The following ADAM32 variants were observed in gnomAD, a reference collection of about 807,000 sequenced individuals.
The protein encoded by ADAM32 is disintegrin and metalloproteinase domain-containing protein 32.
In ADAM32, 89 loss-of-function variants were observed where a neutral mutation model predicts 114.9. The ratio of observed to expected loss-of-function variants is 0.77; its 90% CI spans 0.65 to 0.92. The LOEUF (loss-of-function observed/expected upper bound fraction) is 0.92. Ranked by LOEUF, ADAM32 falls within the 40% of genes least tolerant of loss-of-function variation. The pLI is 0.00. For synonymous variants in ADAM32, 285 were observed against 307.5 expected, an observed-to-expected ratio of 0.93 and a Z score of 0.77; for missense variants, 870 against 932.8, an observed-to-expected ratio of 0.93 and a Z score of 0.88.
chr8:39,231,826 A>G (rs983463358), intron 14 of ADAM32, among the ~76,000 whole-genome samples: 3 of 152,120 alleles, frequency 2.0e-5, no homozygotes, highest in Non-Finnish European at 2.9e-5. Flanking sequence ...TATGATGGAA[A>G]TTGATGAAAA....
intron 7 of ADAM32, among the ~76,000 whole-genome samples, chr8:39,163,128 A>G (rs1467417707): frequency 6.6e-6 from 1 of 152,250 alleles, no homozygotes; most frequent in East Asian, 1.9e-4. Flanking sequence ...ATATGGTTCT[A>G]TATATACACA....
intron 14 of ADAM32, among the ~76,000 whole-genome samples, chr8:39,225,868 C>T (rs2129449005): frequency 6.6e-6 from 1 of 151,958 alleles, no homozygotes; most frequent in East Asian, 1.9e-4. Flanking sequence ...GGTATCAATG[C>T]AATACAATAA....
At chr8:39,246,021 T>A in intron 16 of ADAM32, 62 bp from the exon 17 acceptor site, 1 of 1,257,910 alleles carries the variant, frequency 7.9e-7, no homozygotes, top group South Asian at 1.2e-5. Flanking sequence ...TTATTTACTG[T>A]AATGTTATGA....
At chr8:39,283,748 A>T (rs1813593290) in intron 24 of ADAM32, 124 bp downstream of exon 24, 6 of 599,740 alleles carry the variant, frequency 1.0e-5, no homozygotes, top group Non-Finnish European at 1.3e-5. Context: ...CTGCACCAAT[A>T]AATAACCTAT....
At chr8:39,268,619 CT>C (rs1041213388) in intron 19 of ADAM32, among the ~76,000 whole-genome samples, 3 of 152,056 alleles carry the variant, frequency 2.0e-5, no homozygotes, top group East Asian at 3.9e-4. Flanking sequence ...GTATCAATTT[CT>C]TTTTTTATAG....
In ADAM32 at chr8:39,223,244, A is replaced by G. The variant is rs753310334; in HGVS notation, c.1525+6A>G. 6.4e-7 allele frequency: 1 copy of G among 1,559,956 alleles called. No individual in the cohort carries two copies. The highest frequency in any genetic ancestry group is 1.2e-5 in the South Asian group (1 of 80,360). On this transcript the variant is annotated splice_donor_region_variant and intron_variant, in intron 14 of 24. Coordinates refer to ENST00000379907, the MANE Select transcript of ADAM32 (RefSeq NM_145004.7). ...TGAGAGTGTATTTGGAAAAGGTAAT[A>G]TCTTTTTGTTACATCTCAATAGCCC...
chr8:39,165,083 A>G lies in ADAM32; in HGVS notation c.720A>G (p.Ser240=), dbSNP rs1388674980. ...TGCTGTCATCATTGGAGTTATGGTC[A>G]GATGAAAATAAGATTTCTACAGTTG... ...TIVLSSLELW[S]DENKISTVGE... is the part of the protein sequence containing the mutation. The change falls in exon 9 of 25, where the codon TCA becomes TCG. Residue 240 remains serine, a synonymous_variant. Transcript: ENST00000379907. 1 of 1,609,630 alleles carries G rather than the reference A, an allele frequency of 6.2e-7. No homozygotes were observed. Among genetic ancestry groups the G allele is most frequent in the African/African-American group, 1.3e-5 (1 of 74,854 alleles).
At chr8:39,199,588 GA>G (rs778817180) in intron 11 of ADAM32, among the ~76,000 whole-genome samples, 4 of 151,420 alleles carry the variant, frequency 2.6e-5, no homozygotes, top group Admixed American at 6.6e-5. Flanking sequence ...ATTTCTCATT[GA>G]AATTATGAAT....
Position 39,170,015 on chromosome 8 carries a change from C to A in ADAM32, c.915+18C>A. 2 of 1,517,130 alleles carry A rather than the reference C, an allele frequency of 1.3e-6. No homozygotes were observed. Among genetic ancestry groups the A allele is most frequent in the South Asian group, 2.5e-5 (2 of 81,004 alleles). 94.0% of individuals were successfully genotyped at this position (1,517,130 alleles called of 1,614,324 possible). ...TTGCATTGGTATGTAACTATTTAAT[C>A]TTATTTTTTAAATTAACACGTTTAA... On this transcript the variant is annotated intron_variant, in intron 10 of 24. Transcript: ENST00000379907.
chr8:39,261,205 T>G (rs1812003121), intron 19 of ADAM32, among the ~76,000 whole-genome samples: 1 of 152,180 alleles, frequency 6.6e-6, no homozygotes, highest in Non-Finnish European at 1.5e-5. Flanking sequence ...AGCAAATCTT[T>G]CCTTATCCCT....
chr8:39,128,706 C>A (rs111758319), intron 2 of ADAM32, among the ~76,000 whole-genome samples: 5,297 of 152,166 alleles, frequency 0.035, 322 homozygotes, highest in African/African-American at 0.12. Flanking sequence ...CCAAGATAGG[C>A]CTGGTGGTGA....
At chr8:39,256,277 C>T (rs1484693665) in intron 18 of ADAM32, among the ~76,000 whole-genome samples, 1 of 151,970 alleles carries the variant, frequency 6.6e-6, no homozygotes, top group Admixed American at 6.6e-5. Context: ...ATATTTTCAA[C>T]CTCTCTTCCT....
chr8:39,233,067 T>C (rs1482733186), intron 15 of ADAM32, among the ~76,000 whole-genome samples: 1 of 152,170 alleles, frequency 6.6e-6, no homozygotes, highest in East Asian at 1.9e-4. Context: ...ATCTCTAGTA[T>C]TGTTACCAGA....
chr8:39,241,315 G>A lies in ADAM32; in HGVS notation c.1819-4768G>A, dbSNP rs186420291. On this transcript the variant is annotated intron_variant, in intron 16 of 24. Coordinates refer to ENST00000379907, the MANE Select transcript of ADAM32 (RefSeq NM_145004.7). Reference sequence around the variant, plus strand: ...CAGGCAAACAGTGCAAGCTGTAGGTGGATCTACCATTCTGGGGTCTGGAGG... The same window carrying A: ...CAGGCAAACAGTGCAAGCTGTAGGTAGATCTACCATTCTGGGGTCTGGAGG... 3.9e-5 allele frequency among the ~76,000 whole-genome samples: 6 copies of A among 152,312 alleles called. No homozygotes were observed. The East Asian group carries it at 9.7e-4, about 25-fold the overall frequency.
intron 2 of ADAM32, among the ~76,000 whole-genome samples, chr8:39,123,393 C>T (rs7816789): frequency 0.033 from 5,064 of 152,104 alleles, 290 homozygotes; most frequent in African/African-American, 0.12. Context: ...TCACATTTAA[C>T]TCTATCTCCT....
At chr8:39,119,845 G>A (rs948296160) in intron 2 of ADAM32, among the ~76,000 whole-genome samples, 4 of 152,042 alleles carry the variant, frequency 2.6e-5, no homozygotes, top group Non-Finnish European at 4.4e-5. Flanking sequence ...TTGGAGATAG[G>A]GCCTTATGGA....
intron 14 of ADAM32, among the ~76,000 whole-genome samples, chr8:39,230,358 G>A (rs1439289999): frequency 1.3e-5 from 2 of 152,170 alleles, no homozygotes; most frequent in African/African-American, 4.8e-5. Flanking sequence ...GAGCGTTTAA[G>A]GGAGAAATTA....
In ADAM32 at chr8:39,265,252, G is replaced by T. The variant is rs141047508; in HGVS notation, c.2163-5624G>T. Among the ~76,000 whole-genome samples the T allele has an allele frequency of 1.8e-3, 277 of 152,200 alleles. 1 individual carries two copies. The highest frequency in any genetic ancestry group is 6.5e-3 in the African/African-American group (268 of 41,522). On this transcript the variant is annotated intron_variant, in intron 19 of 24. Transcript: ENST00000379907. ...ATTGAACCCTTTATCATTATGTAATGCTCTTCTTTGTCCTTTTTTATTGTT... is the reference window on the plus strand; with the variant it reads ...ATTGAACCCTTTATCATTATGTAATTCTCTTCTTTGTCCTTTTTTATTGTT...
intron 15 of ADAM32, 109 bp from the exon 16 acceptor site, chr8:39,233,790 C>A: frequency 1.4e-6 from 1 of 704,172 alleles, no homozygotes; most frequent in East Asian, 3.3e-5. Context: ...TCTGTAAGTA[C>A]ATTGCCATAA....
Sources: gnomAD v4.1 joint callset for allele counts (sites outside exome capture counted in the v4.1 genomes callset) on GRCh38, gnomAD v4.1.1 for gene constraint, MANE v1.5 for transcripts, NCBI Gene and HGNC (gene_info 2026-07-23, HGNC 2026-07-21) for gene names.